CDH12: variants seen among roughly 807,000 people sequenced by gnomAD.
CDH12 encodes cadherin 12.
In CDH12, 41 loss-of-function variants were observed where a neutral mutation model predicts 74.1. The ratio of observed to expected loss-of-function variants is 0.55; its 90% CI spans 0.43 to 0.72. The LOEUF (loss-of-function observed/expected upper bound fraction) is 0.72. Ranked by LOEUF, CDH12 falls within the 30% of genes least tolerant of loss-of-function variation. The pLI is 0.00. For synonymous variants in CDH12, 399 were observed against 355.0 expected, an observed-to-expected ratio of 1.12 and a Z score of -1.39; for missense variants, 945 against 977.2, an observed-to-expected ratio of 0.97 and a Z score of 0.44.
intron 5 of CDH12, among the ~76,000 whole-genome samples, chr5:21,997,855 T>G (rs1736387397): frequency 6.6e-6 from 1 of 152,148 alleles, no homozygotes; most frequent in Non-Finnish European, 1.5e-5. Flanking sequence ...TTATTTAGGA[T>G]TGCCTGTAAA....
chr5:22,470,874 T>G (rs1745932671), intron 2 of CDH12, among the ~76,000 whole-genome samples: 1 of 151,822 alleles, frequency 6.6e-6, no homozygotes, highest in African/African-American at 2.4e-5. Flanking sequence ...TTTTTTTTTT[T>G]TTTCTTCAAC....
intron 1 of CDH12, among the ~76,000 whole-genome samples, chr5:22,560,783 G>T (rs2126748934): frequency 6.6e-6 from 1 of 152,158 alleles, no homozygotes; most frequent in South Asian, 2.1e-4. Flanking sequence ...TTAACAAGTT[G>T]TATTTTGCTA....
intron 9 of CDH12, among the ~76,000 whole-genome samples, chr5:21,804,134 C>T (rs113671057): frequency 6.6e-6 from 1 of 152,034 alleles, no homozygotes; most frequent in African/African-American, 2.4e-5. Context: ...AATTTGCTAA[C>T]CTCATACCTG....
intron 1 of CDH12, among the ~76,000 whole-genome samples, chr5:22,511,298 C>A (rs902640918): frequency 1.3e-5 from 2 of 151,726 alleles, no homozygotes; most frequent in African/African-American, 4.8e-5. Context: ...GCTAAACTTG[C>A]AAAGAAAAGA....
rs533015259 is a variant in CDH12, at chr5:22,286,238, G to A, written c.-332-73595C>T. On this transcript the variant is annotated intron_variant, in intron 3 of 14. Transcript: ENST00000382254. ...GAATCAAAAATATAATTCTCATAAA[G>A]GCAAGTCACACAAAGCATAAAGAGA... Among the ~76,000 whole-genome samples the A allele has an allele frequency of 6.6e-5, 10 of 152,206 alleles. No homozygotes were observed. The South Asian group carries it at 1.9e-3, about 28-fold the overall frequency.
In CDH12 at chr5:21,802,113, CTTGTT is replaced by C. The variant is rs952992529; in HGVS notation, c.1256+49_1256+53del. 176 of 1,530,474 alleles carry C rather than the reference CTTGTT, an allele frequency of 1.1e-4. 1 individual carries two copies. Among genetic ancestry groups the C allele is most frequent in the East Asian group, 1.8e-4 (8 of 43,256 alleles). The allele number at this position is 1,530,474 out of a possible 1,614,324, so 94.8% of individuals were successfully genotyped here. Reference sequence around the variant, plus strand: ...GAGAATTGGTTCTCTGGTTTTTGTTCTTGTTTTGTTTTGTTTTCCTGAAACATAGA... The same window carrying C: ...GAGAATTGGTTCTCTGGTTTTTGTTCTTGTTTTGTTTTCCTGAAACATAGA... On this transcript the variant is annotated intron_variant, in intron 10 of 14. Coordinates refer to ENST00000382254, the MANE Select transcript of CDH12 (RefSeq NM_004061.5).
chr5:22,706,419 A>G lies in CDH12; in HGVS notation c.-523+146639T>C, dbSNP rs1019955542. The stretch of plus-strand genomic sequence containing the variant: ...TATGAAACATATACACAAACTAAAA[A>G]GAAAGCCAATCATGTATCACAGATT... On this transcript the variant is annotated intron_variant, in intron 1 of 14. Coordinates refer to ENST00000382254, the MANE Select transcript of CDH12 (RefSeq NM_004061.5). Among the ~76,000 whole-genome samples, 22 of 152,092 alleles carry G rather than the reference A, an allele frequency of 1.4e-4. 1 individual carries two copies. The highest frequency in any genetic ancestry group is 5.3e-4 in the African/African-American group (22 of 41,460).
intron 6 of CDH12, among the ~76,000 whole-genome samples, chr5:21,942,819 T>C (rs1005673185): frequency 6.6e-6 from 1 of 152,136 alleles, no homozygotes; most frequent in Non-Finnish European, 1.5e-5. Context: ...CCCAAAAATG[T>C]TAAATCTCCA....
At chr5:22,134,269 T>G (rs1746335393) in intron 4 of CDH12, among the ~76,000 whole-genome samples, 1 of 152,100 alleles carries the variant, frequency 6.6e-6, no homozygotes, top group Admixed American at 6.6e-5. Flanking sequence ...AGGCTAGAGA[T>G]GGTGAGCGTT....
chr5:21,933,881 T>G (rs1754957000), intron 6 of CDH12, among the ~76,000 whole-genome samples: 1 of 152,184 alleles, frequency 6.6e-6, no homozygotes, highest in African/African-American at 2.4e-5. Flanking sequence ...TGTACTCCCC[T>G]GTGAAACTTT....
chr5:22,185,795 C>T (rs2150341546), intron 4 of CDH12, among the ~76,000 whole-genome samples: 1 of 152,258 alleles, frequency 6.6e-6, no homozygotes, highest in South Asian at 2.1e-4. Context: ...AAATCAGTTC[C>T]ATTTACATTT....
intron 6 of CDH12, among the ~76,000 whole-genome samples, chr5:21,920,548 G>A (rs1332887947): frequency 6.6e-6 from 1 of 151,826 alleles, no homozygotes; most frequent in African/African-American, 2.4e-5. Flanking sequence ...GCCAGGGGAG[G>A]GAAAGCATTA....
At chr5:21,959,658 C>T (rs959577752) in intron 6 of CDH12, among the ~76,000 whole-genome samples, 5 of 151,056 alleles carry the variant, frequency 3.3e-5, no homozygotes, top group African/African-American at 1.2e-4. Flanking sequence ...ACCTGTAATC[C>T]CAGCACTTTG....
chr5:22,762,058 A>G (rs1046579357), intron 1 of CDH12, among the ~76,000 whole-genome samples: 1 of 152,074 alleles, frequency 6.6e-6, no homozygotes, highest in South Asian at 2.1e-4. Flanking sequence ...GTATATTCAG[A>G]GATGTAAATT....
At chr5:22,834,130 C>T (rs1008207473) in intron 1 of CDH12, among the ~76,000 whole-genome samples, 3 of 152,120 alleles carry the variant, frequency 2.0e-5, no homozygotes, top group Non-Finnish European at 4.4e-5. Flanking sequence ...ATTCTTCATT[C>T]ATTAGCTAAA....
At chr5:22,167,596 G>A (rs1443306571) in intron 4 of CDH12, among the ~76,000 whole-genome samples, 5 of 152,022 alleles carry the variant, frequency 3.3e-5, no homozygotes, top group Non-Finnish European at 7.4e-5. Context: ...AGAAAAGAAC[G>A]CATAGCCATA....
At chr5:22,144,364 G>A (rs1476623058) in intron 4 of CDH12, among the ~76,000 whole-genome samples, 1 of 152,106 alleles carries the variant, frequency 6.6e-6, no homozygotes, top group Non-Finnish European at 1.5e-5. Flanking sequence ...TACTTGAAAA[G>A]GATCATTGAT....
At chr5:22,662,917 A>T (rs570550230) in intron 1 of CDH12, among the ~76,000 whole-genome samples, 3 of 152,322 alleles carry the variant, frequency 2.0e-5, no homozygotes, top group Admixed American at 2.0e-4. Context: ...TTGCAAGGGC[A>T]AGGAAAACAA....
intron 1 of CDH12, among the ~76,000 whole-genome samples, chr5:22,690,292 CAG>C (rs1742016132): frequency 6.6e-6 from 1 of 152,044 alleles, no homozygotes; most frequent in African/African-American, 2.4e-5. Flanking sequence ...AAAGATAAAA[CAG>C]GGTATGGGAA....
Sources: allele counts gnomAD v4.1 joint callset (sites outside exome capture counted in the v4.1 genomes callset), GRCh38; gene constraint gnomAD v4.1.1; transcripts MANE v1.5; gene names NCBI Gene and HGNC (gene_info 2026-07-23, HGNC 2026-07-21).